Variants in EDIL3 observed in about 807,000 individuals in gnomAD.
EDIL3 encodes the protein EGF-like repeat and discoidin I-like domain-containing protein 3.
A neutral mutation model predicts 67.4 loss-of-function variants in EDIL3; 37 were observed. The observed-to-expected ratio is 0.55, with a 90% confidence interval of 0.42 to 0.72. The LOEUF (loss-of-function observed/expected upper bound fraction) is 0.72, where lower values mean the gene tolerates loss of function less well. Among genes scored for constraint, EDIL3 ranks in the 30% least tolerant of loss-of-function variants. The probability of loss-of-function intolerance (pLI) is 0.00; values close to 1 mark genes in which losing one functional copy is unlikely to be tolerated. For synonymous variants in EDIL3, 195 were observed against 196.3 expected (o/e 0.99, Z 0.05); for missense variants, 527 against 586.3 (o/e 0.90, Z 1.04).
intron 9 of EDIL3, among the ~76,000 whole-genome samples, chr5:84,048,478 T>G (rs1000186298): frequency 2.0e-5 from 3 of 152,012 alleles, no homozygotes; most frequent in Non-Finnish European, 4.4e-5. Flanking sequence ...AGACGCAATT[T>G]TGATAAAGGT....
intron 9 of EDIL3, among the ~76,000 whole-genome samples, chr5:83,967,705 G>C (rs527521904): frequency 8.5e-5 from 13 of 152,256 alleles, no homozygotes; most frequent in African/African-American, 2.9e-4. Context: ...TCAGACATCT[G>C]CACAGCACCC....
At chr5:84,041,923 T>C (rs1252698569) in intron 9 of EDIL3, among the ~76,000 whole-genome samples, 1 of 152,030 alleles carries the variant, frequency 6.6e-6, no homozygotes, top group Non-Finnish European at 1.5e-5. Flanking sequence ...TAATAGGTGG[T>C]AGGATGTTAA....
chr5:84,222,707 T>C (rs1273537912), intron 3 of EDIL3, among the ~76,000 whole-genome samples: 2 of 152,028 alleles, frequency 1.3e-5, no homozygotes, highest in African/African-American at 2.4e-5. Flanking sequence ...CATCTCATTA[T>C]GGTTTTCATT....
intron 1 of EDIL3, among the ~76,000 whole-genome samples, chr5:84,317,654 A>G (rs1746543449): frequency 6.6e-6 from 1 of 151,948 alleles, no homozygotes; most frequent in Admixed American, 6.6e-5. Flanking sequence ...ATTTTGATAG[A>G]AAGTATCTCA....
intron 6 of EDIL3, among the ~76,000 whole-genome samples, chr5:84,097,097 A>G (rs1260018262): frequency 6.6e-6 from 1 of 152,198 alleles, no homozygotes; most frequent in African/African-American, 2.4e-5. Context: ...TATCAGCAGC[A>G]TAAAAACAGA....
In EDIL3 at chr5:84,147,322, G is replaced by C. The variant is rs548730415; in HGVS notation, c.356-9968C>G. Among the ~76,000 whole-genome samples, 3 of 152,084 alleles carry C rather than the reference G, an allele frequency of 2.0e-5. No homozygotes were observed. In the East Asian group the frequency reaches 5.8e-4, roughly 29 times the overall value. On this transcript the variant is annotated intron_variant, in intron 4 of 10. Coordinates refer to ENST00000296591, the MANE Select transcript of EDIL3 (RefSeq NM_005711.5). ...TGCTTTTTTCTTTCTATGGCTAATG[G>C]CATTAGTAGTGGTGTTGGAAATAAA...
intron 3 of EDIL3, among the ~76,000 whole-genome samples, chr5:84,195,806 T>C (rs1743691898): frequency 6.6e-6 from 1 of 152,038 alleles, no homozygotes; most frequent in Non-Finnish European, 1.5e-5. Flanking sequence ...AATATTTTTC[T>C]AGATAAAAGA....
At chr5:83,946,229 T>C (rs1040587656) in intron 10 of EDIL3, among the ~76,000 whole-genome samples, 1 of 151,968 alleles carries the variant, frequency 6.6e-6, no homozygotes, top group African/African-American at 2.4e-5. Context: ...ATATTTTACA[T>C]GAGAAAGACA....
At chr5:84,031,910 C>T (rs1340856706) in intron 9 of EDIL3, among the ~76,000 whole-genome samples, 3 of 152,072 alleles carry the variant, frequency 2.0e-5, no homozygotes, top group South Asian at 2.1e-4. Flanking sequence ...CACAGAATCT[C>T]GTTGAAGGCT....
At chr5:84,138,566 C>T (rs1041305526) in intron 4 of EDIL3, among the ~76,000 whole-genome samples, 2 of 152,134 alleles carry the variant, frequency 1.3e-5, no homozygotes, top group African/African-American at 4.8e-5. Flanking sequence ...AAGTCTTGGG[C>T]TATTACAGTT....
intron 2 of EDIL3, among the ~76,000 whole-genome samples, chr5:84,245,609 A>G (rs1025576887): frequency 2.0e-5 from 3 of 152,162 alleles, no homozygotes; most frequent in African/African-American, 7.2e-5. Context: ...AAATCAAGTA[A>G]CAGAATGAAA....
intron 1 of EDIL3, among the ~76,000 whole-genome samples, chr5:84,311,989 T>A (rs2112143874): frequency 6.6e-6 from 1 of 152,294 alleles, no homozygotes; most frequent in South Asian, 2.1e-4. Flanking sequence ...ACCATCCGAT[T>A]TCTCAATCCT....
intron 1 of EDIL3, among the ~76,000 whole-genome samples, chr5:84,381,896 G>A (rs771925244): frequency 6.6e-6 from 1 of 152,142 alleles, no homozygotes; most frequent in Non-Finnish European, 1.5e-5. Context: ...CAAATCCCAG[G>A]CATTAATGCA....
At chr5:84,237,375 T>C (rs1212742151) in intron 2 of EDIL3, among the ~76,000 whole-genome samples, 3 of 152,074 alleles carry the variant, frequency 2.0e-5, no homozygotes, top group Non-Finnish European at 4.4e-5. Flanking sequence ...GGACAAGACT[T>C]AATGATTAAG....
chr5:84,272,397 A>G (rs775731754), intron 1 of EDIL3, among the ~76,000 whole-genome samples: 73 of 152,182 alleles, frequency 4.8e-4, no homozygotes, highest in Admixed American at 9.8e-4. Flanking sequence ...AATATACGCT[A>G]AAGTCCTTTT....
chr5:84,311,556 GT>G (rs1270076999), intron 1 of EDIL3, among the ~76,000 whole-genome samples: 2,799 of 146,126 alleles, frequency 0.019, 86 homozygotes, highest in African/African-American at 0.065. Context: ...AGGGTGTCCA[GT>G]TTTTTTTTTT....
At chr5:84,321,236 A>G (rs1746642513) in intron 1 of EDIL3, among the ~76,000 whole-genome samples, 1 of 152,048 alleles carries the variant, frequency 6.6e-6, no homozygotes, top group Non-Finnish European at 1.5e-5. Flanking sequence ...GAATTATCTC[A>G]GCTTCTGTTA....
chr5:84,176,342 C>T (rs1007638275), intron 4 of EDIL3, among the ~76,000 whole-genome samples: 1 of 79,882 alleles, frequency 1.3e-5, no homozygotes, highest in African/African-American at 4.6e-5. Context: ...AGCCTTTTAT[C>T]TTGAGCTAAT....
chr5:84,267,524 TTTTA>T (rs1355625681), intron 1 of EDIL3, among the ~76,000 whole-genome samples: 7 of 152,056 alleles, frequency 4.6e-5, no homozygotes, highest in Non-Finnish European at 8.8e-5. Flanking sequence ...CCATACTGAG[TTTTA>T]TTTGAGTATT....
Sources: allele counts gnomAD v4.1 joint callset (sites outside exome capture counted in the v4.1 genomes callset), GRCh38; gene constraint gnomAD v4.1.1; transcripts MANE v1.5; gene names NCBI Gene and HGNC (gene_info 2026-07-23, HGNC 2026-07-21).